The following RBFOX1 variants were observed in gnomAD, a reference collection of about 807,000 sequenced individuals.
RBFOX1 encodes RNA binding fox-1 homolog 1.
In RBFOX1, 8 loss-of-function variants were observed where a neutral mutation model predicts 57.7. The observed-to-expected ratio is 0.14, with a 90% confidence interval of 0.08 to 0.25. The LOEUF (loss-of-function observed/expected upper bound fraction) is 0.25. Ranked by LOEUF, RBFOX1 falls within the 10% of genes least tolerant of loss-of-function variation. The pLI, the probability that RBFOX1 is intolerant of heterozygous loss-of-function variation, is 1.00. For missense variants in RBFOX1, 611 were observed against 548.5 expected, an observed-to-expected ratio of 1.11 and a Z score of -1.14; for synonymous variants, 326 against 222.4, an observed-to-expected ratio of 1.47 and a Z score of -4.15.
chr16:6,955,502 G>A (rs796863550), intron 3 of RBFOX1, among the ~76,000 whole-genome samples: 13 of 151,278 alleles, frequency 8.6e-5, no homozygotes, highest in African/African-American at 2.7e-4. Flanking sequence ...TGAATCTCAC[G>A]GAATTAAATT....
At position 6,677,368 on chromosome 16, in the gene RBFOX1, A is replaced by G. The variant is rs537932889; in HGVS notation, c.-16+22718A>G. On this transcript the variant is annotated intron_variant, in intron 3 of 15. Transcript: ENST00000550418. Reference sequence around the variant, plus strand: ...TCCATAGATACAAACACACATCAAGATGTAAATATATGTGATATGTTTCTA... The same window carrying G: ...TCCATAGATACAAACACACATCAAGGTGTAAATATATGTGATATGTTTCTA... Among the ~76,000 whole-genome samples the G allele has an allele frequency of 7.9e-5, 12 of 152,316 alleles. No homozygotes were observed. The South Asian group carries it at 2.5e-3, about 32-fold the overall frequency.
intron 3 of RBFOX1, among the ~76,000 whole-genome samples, chr16:6,957,928 G>A (rs1000962899): frequency 1.9e-4 from 29 of 152,112 alleles, no homozygotes; most frequent in African/African-American, 7.0e-4. Flanking sequence ...CTGTGACCTA[G>A]CCCGAGAAGT....
chr16:7,506,601 T>C (rs1463913601), intron 4 of RBFOX1, among the ~76,000 whole-genome samples: 4 of 151,816 alleles, frequency 2.6e-5, no homozygotes, highest in Non-Finnish European at 5.9e-5. Context: ...ATCATCATCA[T>C]CATCACCACC....
chr16:7,574,789 G>A (rs12935179), intron 5 of RBFOX1, among the ~76,000 whole-genome samples: 46,890 of 151,896 alleles, frequency 0.31, 8,702 homozygotes, highest in East Asian at 0.53. Context: ...TTGACACTCA[G>A]TGTTAACCGT....
At chr16:6,905,542 G>C (rs1168474014) in intron 3 of RBFOX1, among the ~76,000 whole-genome samples, 1 of 118,438 alleles carries the variant, frequency 8.4e-6, no homozygotes, top group Non-Finnish European at 1.7e-5. Flanking sequence ...GACAGAGTTA[G>C]ACTCCATCTC....
intron 1 of RBFOX1, among the ~76,000 whole-genome samples, chr16:5,287,063 G>A (rs191203133): frequency 6.6e-6 from 1 of 152,336 alleles, no homozygotes; most frequent in Non-Finnish European, 1.5e-5. Flanking sequence ...CTAGCACTTT[G>A]GGAGGATGAG....
At chr16:6,509,928 C>T (rs926996912) in intron 2 of RBFOX1, among the ~76,000 whole-genome samples, 9 of 152,206 alleles carry the variant, frequency 5.9e-5, no homozygotes, top group Admixed American at 6.5e-5. Flanking sequence ...ATGCAGGAGA[C>T]GCTCCATAAG....
At chr16:6,627,038 G>C (rs2098318914) in intron 2 of RBFOX1, among the ~76,000 whole-genome samples, 2 of 152,194 alleles carry the variant, frequency 1.3e-5, no homozygotes, top group Admixed American at 1.3e-4. Flanking sequence ...CTACCCATCT[G>C]CCTTCTGAAA....
At chr16:5,414,287 C>T (rs1444309786) in intron 1 of RBFOX1, among the ~76,000 whole-genome samples, 1 of 152,150 alleles carries the variant, frequency 6.6e-6, no homozygotes, top group Non-Finnish European at 1.5e-5. Context: ...GCACAAGTCT[C>T]TCTCCCAGTT....
At chr16:6,436,682 A>G (rs949408634) in intron 2 of RBFOX1, among the ~76,000 whole-genome samples, 8 of 152,104 alleles carry the variant, frequency 5.3e-5, no homozygotes, top group African/African-American at 1.9e-4. Flanking sequence ...CAATACCCCA[A>G]TGGACTGTAA....
intron 14 of RBFOX1, among the ~76,000 whole-genome samples, chr16:7,679,833 G>A (rs974875718): frequency 6.6e-6 from 1 of 152,020 alleles, no homozygotes; most frequent in Non-Finnish European, 1.5e-5. Flanking sequence ...TGTGGGCAGA[G>A]ATTTCCCCAA....
intron 2 of RBFOX1, among the ~76,000 whole-genome samples, chr16:5,492,776 A>G (rs1597286030): frequency 6.6e-6 from 1 of 152,260 alleles, no homozygotes; most frequent in Non-Finnish European, 1.5e-5. Context: ...TGTGAAAGAA[A>G]GTCATGAATA....
chr16:6,379,180 A>T (rs964406703), intron 2 of RBFOX1, among the ~76,000 whole-genome samples: 2 of 152,080 alleles, frequency 1.3e-5, no homozygotes, highest in Non-Finnish European at 1.5e-5. Context: ...GGAAATGTTG[A>T]GTTTTGGGCC....
intron 4 of RBFOX1, among the ~76,000 whole-genome samples, chr16:7,517,485 G>T (rs188540019): frequency 1.3e-5 from 2 of 151,608 alleles, no homozygotes; most frequent in Non-Finnish European, 2.9e-5. Context: ...TCCAAATTAG[G>T]CCCTGAATTT....
intron 4 of RBFOX1, among the ~76,000 whole-genome samples, chr16:7,138,388 G>T (rs1009281015): frequency 6.6e-6 from 1 of 152,134 alleles, no homozygotes; most frequent in African/African-American, 2.4e-5. Flanking sequence ...TGTCACATGG[G>T]CAAGTCATGT....
intron 7 of RBFOX1, among the ~76,000 whole-genome samples, 185 bp from the exon 8 acceptor site, chr16:7,595,363 AT>A (rs2094632962): frequency 1.3e-5 from 2 of 152,306 alleles, no homozygotes; most frequent in South Asian, 2.1e-4. Flanking sequence ...ACAGAAAAAA[AT>A]ATCTTGTTCA....
At chr16:7,061,074 C>G (rs1327849195) in intron 4 of RBFOX1, among the ~76,000 whole-genome samples, 1 of 151,632 alleles carries the variant, frequency 6.6e-6, no homozygotes. Flanking sequence ...AAAAAACTGG[C>G]AGAAGTTTGC....
intron 3 of RBFOX1, among the ~76,000 whole-genome samples, chr16:6,990,961 A>T (rs1568258628): frequency 6.6e-6 from 1 of 152,060 alleles, no homozygotes; most frequent in East Asian, 1.9e-4. Flanking sequence ...CATTGATTGC[A>T]TATTTTAAAG....
At chr16:7,572,169 G>T (rs910664516) in intron 5 of RBFOX1, among the ~76,000 whole-genome samples, 1 of 152,114 alleles carries the variant, frequency 6.6e-6, no homozygotes, top group Non-Finnish European at 1.5e-5. Context: ...TAATGATCAC[G>T]ATAATTATGT....
Sources: allele counts gnomAD v4.1 joint callset (sites outside exome capture counted in the v4.1 genomes callset), GRCh38; gene constraint gnomAD v4.1.1; transcripts MANE v1.5; gene names NCBI Gene and HGNC (gene_info 2026-07-23, HGNC 2026-07-21).